C7orf78: variants seen among roughly 807,000 people sequenced by gnomAD.
C7orf78 encodes chromosome 7 open reading frame 78.
chr7:12,529,063 A>G, the C7orf78 span: 6 of 398,272 alleles, frequency 1.5e-5, no homozygotes, highest in Non-Finnish European at 2.2e-5. Context: ...GACTTTCTCT[A>G]TAGCTGTTGG....
the C7orf78 span, chr7:12,491,841 T>A: frequency 6.6e-6 from 1 of 152,220 alleles, no homozygotes; most frequent in Non-Finnish European, 1.5e-5. Context: ...GCTGCCTTCA[T>A]GACAAATATG....
chr7:12,509,247 T>C, the C7orf78 span, among the ~76,000 whole-genome samples: 2 of 146,930 alleles, frequency 1.4e-5, no homozygotes, highest in Admixed American at 6.8e-5. Context: ...TTAAGACTAA[T>C]GTTTAGGTGT....
the C7orf78 span, chr7:12,530,969 A>T: frequency 2.5e-6 from 1 of 398,102 alleles, no homozygotes; most frequent in Admixed American, 4.4e-5. Flanking sequence ...TAAAGTTAAT[A>T]CATGTCTGCT....
chr7:12,531,733 G>A, the C7orf78 span, among the ~76,000 whole-genome samples: 1 of 152,150 alleles, frequency 6.6e-6, no homozygotes, highest in African/African-American at 2.4e-5. Flanking sequence ...TGGCTGCATT[G>A]TCTGGGGAAT....
At chr7:12,495,127 CAG>C in the C7orf78 span, among the ~76,000 whole-genome samples, 13 of 152,200 alleles carry the variant, frequency 8.5e-5, no homozygotes, top group African/African-American at 2.4e-4. Context: ...ATGTGTCCAA[CAG>C]AGTGTCCTGG....
chr7:12,513,423 A>G, the C7orf78 span, among the ~76,000 whole-genome samples: 2 of 152,082 alleles, frequency 1.3e-5, no homozygotes. Context: ...CTTTTGCTGT[A>G]TCCCACAGCT....
chr7:12,535,504 T>C, the C7orf78 span, among the ~76,000 whole-genome samples: 2 of 152,126 alleles, frequency 1.3e-5, no homozygotes, highest in African/African-American at 2.4e-5. Context: ...AGGATGAGAT[T>C]TGGGTGGGGA....
the C7orf78 span, among the ~76,000 whole-genome samples, chr7:12,484,497 C>T: frequency 2.0e-5 from 3 of 152,138 alleles, no homozygotes; most frequent in African/African-American, 7.2e-5. Flanking sequence ...TAAATAAACT[C>T]TCTGTAGTCA....
chr7:12,514,637 A>G, the C7orf78 span, among the ~76,000 whole-genome samples: 1 of 151,208 alleles, frequency 6.6e-6, no homozygotes, highest in South Asian at 2.1e-4. Flanking sequence ...TTCTTTTATT[A>G]TTTGCCCATA....
At chr7:12,529,396 T>G in the C7orf78 span, among the ~76,000 whole-genome samples, 1 of 152,214 alleles carries the variant, frequency 6.6e-6, no homozygotes, top group Non-Finnish European at 1.5e-5. Flanking sequence ...TAATGTCGGT[T>G]AGTAATGCTA....
At chr7:12,526,413 A>G in the C7orf78 span, among the ~76,000 whole-genome samples, 1 of 152,138 alleles carries the variant, frequency 6.6e-6, no homozygotes, top group Non-Finnish European at 1.5e-5. Flanking sequence ...GTTAATTCAG[A>G]GTTAATTTGT....
chr7:12,489,047 TG>T, the C7orf78 span, among the ~76,000 whole-genome samples: 40 of 152,064 alleles, frequency 2.6e-4, no homozygotes, highest in African/African-American at 9.1e-4. Context: ...CTGGCTATTA[TG>T]GTGAAGATAT....
chr7:12,525,962 G>C, the C7orf78 span: 1 of 394,442 alleles, frequency 2.5e-6, no homozygotes, highest in Non-Finnish European at 4.5e-6. Flanking sequence ...CATATTAGTA[G>C]TAGTAAATTC....
At chr7:12,524,087 A>AT in the C7orf78 span, among the ~76,000 whole-genome samples, 1 of 152,186 alleles carries the variant, frequency 6.6e-6, no homozygotes, top group East Asian at 1.9e-4. Context: ...AGATAAAAGA[A>AT]TAAGTGTATT....
chr7:12,531,827 G>T, the C7orf78 span, among the ~76,000 whole-genome samples: 1 of 152,148 alleles, frequency 6.6e-6, no homozygotes, highest in African/African-American at 2.4e-5. Context: ...AAGTTTAATA[G>T]AAGAAAGGAG....
At chr7:12,512,551 G>T in the C7orf78 span, among the ~76,000 whole-genome samples, 1 of 152,044 alleles carries the variant, frequency 6.6e-6, no homozygotes, top group African/African-American at 2.4e-5. Context: ...CCTTATCATG[G>T]TGTATATCTT....
At chr7:12,487,647 G>A in the C7orf78 span, among the ~76,000 whole-genome samples, 1 of 152,118 alleles carries the variant, frequency 6.6e-6, no homozygotes, top group African/African-American at 2.4e-5. Flanking sequence ...AGATTAATTT[G>A]GACCAATAAA....
the C7orf78 span, among the ~76,000 whole-genome samples, chr7:12,493,168 C>T: frequency 6.6e-6 from 1 of 152,130 alleles, no homozygotes; most frequent in African/African-American, 2.4e-5. Context: ...TGCACTCTAG[C>T]CTGGGCGGCA....
At chr7:12,495,122 T>C in the C7orf78 span, among the ~76,000 whole-genome samples, 1 of 152,254 alleles carries the variant, frequency 6.6e-6, no homozygotes, top group Non-Finnish European at 1.5e-5. Context: ...CCACCATGTG[T>C]CCAACAGAGT....
Sources: gnomAD v4.1 joint callset for allele counts (sites outside exome capture counted in the v4.1 genomes callset) on GRCh38, gnomAD v4.1.1 for gene constraint, MANE v1.5 for transcripts, NCBI Gene and HGNC (gene_info 2026-07-23, HGNC 2026-07-21) for gene names.